Variants in FRMPD4 observed in about 807,000 individuals in gnomAD.
The protein encoded by FRMPD4 is FERM and PDZ domain containing 4.
Under a neutral mutation model 94.1 loss-of-function variants are expected in FRMPD4, and 22 were observed. That is an observed-to-expected ratio of 0.23 (90% CI 0.17 to 0.33). The LOEUF (loss-of-function observed/expected upper bound fraction) is 0.33, where lower values mean the gene tolerates loss of function less well. Ranked by LOEUF, FRMPD4 falls within the 10% of genes least tolerant of loss-of-function variation. The pLI, the probability that FRMPD4 is intolerant of heterozygous loss-of-function variation, is 1.00. For synonymous variants in FRMPD4, 631 were observed against 548.6 expected, an observed-to-expected ratio of 1.15 and a Z score of -2.10; for missense variants, 1,111 against 1,339.9, an observed-to-expected ratio of 0.83 and a Z score of 2.67.
At chrX:12,300,258 G>C (rs1030184952) in intron 1 of FRMPD4, among the ~76,000 whole-genome samples, 1 of 111,904 alleles carries the variant, frequency 8.9e-6, no homozygotes, top group Non-Finnish European at 1.9e-5. Flanking sequence ...GACAATGGAA[G>C]GTGGGAAGGG....
intron 2 of FRMPD4, chrX:12,583,282 T>C: frequency 2.6e-6 from 1 of 387,012 alleles, no homozygotes; most frequent in African/African-American, 2.5e-5. Flanking sequence ...CATGAATACA[T>C]TTATCAACCC....
At chrX:12,371,676 C>T (rs2056165014) in intron 1 of FRMPD4, among the ~76,000 whole-genome samples, 1 of 111,722 alleles carries the variant, frequency 9.0e-6, no homozygotes, top group Non-Finnish European at 1.9e-5. Flanking sequence ...AAATGTGCTA[C>T]AGTATGCTAA....
intron 1 of FRMPD4, among the ~76,000 whole-genome samples, chrX:12,186,619 A>T (rs2056428702): frequency 8.9e-6 from 1 of 111,887 alleles, no homozygotes; most frequent in East Asian, 2.8e-4. Flanking sequence ...ATTAAATAAT[A>T]CCAAGGTTCA....
chrX:12,273,760 T>C (rs1354967212), intron 1 of FRMPD4, among the ~76,000 whole-genome samples: 2 of 112,361 alleles, frequency 1.8e-5, no homozygotes, highest in Non-Finnish European at 3.8e-5. Flanking sequence ...TCTTTTATGC[T>C]TCATGCACAG....
intron 1 of FRMPD4, among the ~76,000 whole-genome samples, chrX:12,190,579 C>T (rs1269896412): frequency 4.6e-5 from 5 of 109,739 alleles, no homozygotes; most frequent in Non-Finnish European, 3.8e-5. Flanking sequence ...CAGAAGTAGA[C>T]TCACATTAAT....
chrX:12,251,000 A>T (rs1268048409), intron 1 of FRMPD4, among the ~76,000 whole-genome samples: 2 of 112,121 alleles, frequency 1.8e-5, no homozygotes, highest in East Asian at 5.6e-4. Flanking sequence ...AACTAACTTT[A>T]CTATGAGCAC....
intron 1 of FRMPD4, among the ~76,000 whole-genome samples, chrX:11,848,855 C>T (rs772628508): frequency 8.9e-6 from 1 of 111,781 alleles, no homozygotes; most frequent in Non-Finnish European, 1.9e-5. Flanking sequence ...ACATCATACT[C>T]AATTGTGAAA....
intron 2 of FRMPD4, among the ~76,000 whole-genome samples, chrX:12,576,975 A>C (rs2058818016): frequency 8.9e-6 from 1 of 111,764 alleles, no homozygotes; most frequent in South Asian, 3.8e-4. Context: ...GATAGTTGTC[A>C]ATTTAAGGCT....
At chrX:12,111,072 T>C in intron 3 of FRMPD4, among the ~76,000 whole-genome samples, 1 of 111,608 alleles carries the variant, frequency 9.0e-6, no homozygotes, top group African/African-American at 3.3e-5. Context: ...AAAACTACTT[T>C]AAAGTTCATA....
intron 1 of FRMPD4, among the ~76,000 whole-genome samples, chrX:12,479,954 C>T (rs2057661747): frequency 9.1e-6 from 1 of 110,431 alleles, no homozygotes; most frequent in Non-Finnish European, 1.9e-5. Flanking sequence ...GATTAAGGCT[C>T]CCTCTGCAAG....
Position 11,886,729 on chromosome X carries a change from C to T in FRMPD4, c.95+8711C>T, listed in dbSNP as rs755472434. 1.6e-4 allele frequency among the ~76,000 whole-genome samples: 16 copies of T among 97,961 alleles called. 1 individual carries two copies. The South Asian group carries it at 5.4e-3, about 33-fold the overall frequency. 85.1% of individuals were successfully genotyped at this position (97,961 alleles called of 115,157 possible). ...TACACATAAAGTCAGCTCCAGTAAT[C>T]GTGACTTTTTTTTTTAACTTTTTTG... On this transcript the variant is annotated intron_variant, in intron 3 of 18. Transcript: ENST00000640291.
At chrX:12,151,713 C>T (rs1401140708) in intron 1 of FRMPD4, among the ~76,000 whole-genome samples, 1 of 111,764 alleles carries the variant, frequency 8.9e-6, no homozygotes, top group Admixed American at 9.5e-5. Flanking sequence ...TAAGTTTTTA[C>T]AAAATATTTT....
intron 1 of FRMPD4, among the ~76,000 whole-genome samples, chrX:12,310,436 A>G (rs113738781): frequency 2.2e-5 from 1 of 45,061 alleles, no homozygotes. Flanking sequence ...GTGCAAGTCA[A>G]GGGGATGCGA....
At chrX:12,247,805 T>C (rs1410597252) in intron 1 of FRMPD4, among the ~76,000 whole-genome samples, 2 of 112,303 alleles carry the variant, frequency 1.8e-5, no homozygotes, top group Non-Finnish European at 3.8e-5. Context: ...TGTGGCAATT[T>C]TATCAGATAG....
At chrX:12,331,667 A>T (rs1267522098) in intron 1 of FRMPD4, among the ~76,000 whole-genome samples, 1 of 75,602 alleles carries the variant, frequency 1.3e-5, no homozygotes, top group Admixed American at 2.1e-4. Flanking sequence ...ATAATATATA[A>T]ATATATAAAT....
chrX:12,231,042 A>AG (rs2056996853), intron 1 of FRMPD4, among the ~76,000 whole-genome samples: 1 of 63,191 alleles, frequency 1.6e-5, no homozygotes, highest in Non-Finnish European at 2.8e-5. Flanking sequence ...ATATATATAT[A>AG]TATATAAAAT....
At position 12,116,185 on chromosome X, in the gene FRMPD4, G is replaced by T. The variant is rs113578006; in HGVS notation, c.95+238167G>T. Among the ~76,000 whole-genome samples, 218 of 111,475 alleles carry T rather than the reference G, an allele frequency of 2.0e-3. 2 individuals are homozygous for T. Among genetic ancestry groups the T allele is most frequent in the Admixed American group, 5.2e-3 (55 of 10,504 alleles). ...GTTCCCATTTCCAACTTCATCCTCT[G>T]CCATCAACCCCCAGTCTCACTATTC... On this transcript the variant is annotated intron_variant, in intron 3 of 18. Coordinates refer to the FRMPD4 transcript ENST00000640291.
chrX:12,165,415 A>G (rs1445382789), intron 1 of FRMPD4, among the ~76,000 whole-genome samples: 26 of 111,486 alleles, frequency 2.3e-4, no homozygotes, highest in African/African-American at 6.2e-4. Context: ...CTATATCTCT[A>G]TTTTGGTACC....
chrX:12,390,404 CA>C (rs1337729935), intron 1 of FRMPD4, among the ~76,000 whole-genome samples: 1 of 112,444 alleles, frequency 8.9e-6, no homozygotes, highest in Non-Finnish European at 1.9e-5. Context: ...CTTTTCCTGT[CA>C]GCTCTTTGCC....
Sources: allele counts gnomAD v4.1 joint callset (sites outside exome capture counted in the v4.1 genomes callset), GRCh38; gene constraint gnomAD v4.1.1; transcripts MANE v1.5; gene names NCBI Gene and HGNC (gene_info 2026-07-23, HGNC 2026-07-21).